CIB4: variants seen among roughly 807,000 people sequenced by gnomAD.
CIB4 encodes calcium and integrin binding family member 4, also known as calcium and integrin-binding family member 4.
CIB4 carries 25 observed loss-of-function variants against 25.8 expected under a neutral mutation model. That is an observed-to-expected ratio of 0.97 (90% CI 0.71 to 1.35). The LOEUF (loss-of-function observed/expected upper bound fraction) is 1.35, where lower values mean the gene tolerates loss of function less well. CIB4 is among the 40% of genes most tolerant of loss of function. CIB4 has a pLI of 0.00. For missense variants in CIB4, 235 were observed against 228.2 expected (o/e 1.03, Z -0.19); for synonymous variants, 75 against 81.4 (o/e 0.92, Z 0.42).
intron 2 of CIB4, among the ~76,000 whole-genome samples, chr2:26,639,250 G>A (rs1179902223): frequency 6.6e-6 from 1 of 151,560 alleles, no homozygotes. Flanking sequence ...AGAACATGCA[G>A]GTTTGTTACA....
Position 26,610,796 on chromosome 2 carries a change from C to A in CIB4, c.187-15479G>T, listed in dbSNP as rs114299744. Among the ~76,000 whole-genome samples, 126 of 151,234 alleles carry A rather than the reference C, an allele frequency of 8.3e-4. 1 individual carries two copies. The highest frequency in any genetic ancestry group is 2.9e-3 in the African/African-American group (121 of 41,052). On this transcript the variant is annotated intron_variant, in intron 3 of 6. Transcript: ENST00000288861. Reference sequence around the variant, plus strand: ...AACCAAGCAGTCAATAGCAGTAAGTCCATTGTATAGATTAAGAAAACTGAG... The same window carrying A: ...AACCAAGCAGTCAATAGCAGTAAGTACATTGTATAGATTAAGAAAACTGAG...
At chr2:26,607,305 A>G (rs1668908063) in intron 3 of CIB4, among the ~76,000 whole-genome samples, 1 of 152,196 alleles carries the variant, frequency 6.6e-6, no homozygotes, top group Admixed American at 6.5e-5. Context: ...CAATCTCAAT[A>G]TTTTAATAGT....
chr2:26,597,962 G>C (rs1407636620), intron 3 of CIB4, among the ~76,000 whole-genome samples: 1 of 150,580 alleles, frequency 6.6e-6, no homozygotes, highest in Non-Finnish European at 1.5e-5. Context: ...TTAAAATATA[G>C]AAAACCTTGG....
chr2:26,589,060 C>CTCTTCCTCTTCTTCTTCTTCT (rs1558554844), intron 4 of CIB4, among the ~76,000 whole-genome samples: 1 of 36,470 alleles, frequency 2.7e-5, no homozygotes, highest in African/African-American at 1.2e-4. Context: ...CTTCTTCTTC[C>CTCTTCCTCTTCTTCTTCTTCT]TCTTCCTCTT....
intron 3 of CIB4, chr2:26,623,474 GA>G (rs1344639467): frequency 4.3e-6 from 2 of 470,054 alleles, no homozygotes; most frequent in African/African-American, 4.0e-5. Context: ...TCAGCCTTGG[GA>G]GTGAGTTCTT....
chr2:26,632,057 G>A (rs1253954511), intron 2 of CIB4, among the ~76,000 whole-genome samples: 4 of 145,908 alleles, frequency 2.7e-5, no homozygotes, highest in African/African-American at 5.6e-5. Context: ...AGACCTATCT[G>A]GATCTATCTG....
At chr2:26,601,258 ATATATATATATG>A (rs1558561127) in intron 3 of CIB4, among the ~76,000 whole-genome samples, 1 of 129,892 alleles carries the variant, frequency 7.7e-6, no homozygotes, top group Non-Finnish European at 1.6e-5. Context: ...ATATATATAT[ATATATATATATG>A]CATGCTAAGC....
chr2:26,626,127 G>A (rs914387014), intron 3 of CIB4, among the ~76,000 whole-genome samples: 2 of 152,122 alleles, frequency 1.3e-5, no homozygotes, highest in Non-Finnish European at 2.9e-5. Context: ...TGCTGTTTTG[G>A]TTACTGTAGC....
chr2:26,592,512 T>C (rs1054434931), intron 4 of CIB4, among the ~76,000 whole-genome samples: 1 of 152,222 alleles, frequency 6.6e-6, no homozygotes, highest in Non-Finnish European at 1.5e-5. Context: ...TGTAGGACAT[T>C]TGGGGCCATT....
intron 2 of CIB4, among the ~76,000 whole-genome samples, chr2:26,639,077 A>G (rs991260148): frequency 6.6e-6 from 1 of 152,202 alleles, no homozygotes; most frequent in Non-Finnish European, 1.5e-5. Context: ...TTCTTCCAGA[A>G]GGCTAGATGG....
intron 3 of CIB4, among the ~76,000 whole-genome samples, chr2:26,617,147 T>TGTGTGCGC (rs10665609): frequency 2.0e-5 from 3 of 150,412 alleles, no homozygotes; most frequent in African/African-American, 7.4e-5. Context: ...TGTGTGTGTG[T>TGTGTGCGC]GCACGTGAGC....
intron 3 of CIB4, among the ~76,000 whole-genome samples, chr2:26,629,192 G>A (rs1215260710): frequency 6.6e-6 from 1 of 152,192 alleles, no homozygotes. Flanking sequence ...TCCTGCTCTA[G>A]GACCGAGGTG....
chr2:26,638,774 G>A (rs546923663), intron 2 of CIB4, among the ~76,000 whole-genome samples: 31 of 152,254 alleles, frequency 2.0e-4, no homozygotes, highest in African/African-American at 6.0e-4. Flanking sequence ...CCAACATGGT[G>A]AAACCCTATC....
rs1312993240 is a variant in CIB4 at position 26,601,709 on chromosome 2, A to T, written c.187-6392T>A. 2.6e-5 allele frequency among the ~76,000 whole-genome samples: 4 copies of T among 152,240 alleles called. No homozygotes were observed. The East Asian group carries it at 5.8e-4, about 22-fold the overall frequency. ...CAAATTACATTGCTCAAAATACATAATTAAGACAATGAAAAGGCAAGCCAT... is the reference window on the plus strand; with the variant it reads ...CAAATTACATTGCTCAAAATACATATTTAAGACAATGAAAAGGCAAGCCAT... On this transcript the variant is annotated intron_variant, in intron 3 of 6. Coordinates refer to ENST00000288861, the MANE Select transcript of CIB4 (RefSeq NM_001029881.3).
At chr2:26,605,614 G>C (rs1668873645) in intron 3 of CIB4, 1 of 467,916 alleles carries the variant, frequency 2.1e-6, no homozygotes, top group Non-Finnish European at 4.4e-6. Flanking sequence ...TTCAGCACTA[G>C]AGTATCTCTA....
At chr2:26,595,508 C>T (rs1668666107) in intron 3 of CIB4, among the ~76,000 whole-genome samples, 191 bp from the exon 4 acceptor site, 1 of 152,202 alleles carries the variant, frequency 6.6e-6, no homozygotes, top group South Asian at 2.1e-4. Flanking sequence ...GGGGATGAAT[C>T]TTGCAGTTGG....
chr2:26,589,119 C>T (rs1229522648), intron 4 of CIB4, among the ~76,000 whole-genome samples: 1 of 129,268 alleles, frequency 7.7e-6, no homozygotes, highest in Non-Finnish European at 1.6e-5. Flanking sequence ...TCTTCTTCTT[C>T]TTCTTCTTCT....
At chr2:26,617,011 C>A (rs1323197081) in intron 3 of CIB4, among the ~76,000 whole-genome samples, 1 of 152,158 alleles carries the variant, frequency 6.6e-6, no homozygotes, top group African/African-American at 2.4e-5. Flanking sequence ...AGTCTTAGAG[C>A]ACACATGGTC....
At chr2:26,641,136 T>G in intron 1 of CIB4, 125 bp downstream of exon 1, 1 of 767,130 alleles carries the variant, frequency 1.3e-6, no homozygotes, top group South Asian at 1.4e-5. Flanking sequence ...CTTCTTCCAA[T>G]GTGGCCCAGG....
Sources: gnomAD v4.1 joint callset for allele counts (sites outside exome capture counted in the v4.1 genomes callset) on GRCh38, gnomAD v4.1.1 for gene constraint, MANE v1.5 for transcripts, NCBI Gene and HGNC (gene_info 2026-07-23, HGNC 2026-07-21) for gene names.